The following TEX35 variants were observed in gnomAD, a reference collection of about 807,000 sequenced individuals.
The protein encoded by TEX35 is testis expressed 35.
In TEX35, 26 loss-of-function variants were observed where a neutral mutation model predicts 31.9. The observed-to-expected ratio is 0.81, with a 90% CI of 0.60 to 1.13. The LOEUF (loss-of-function observed/expected upper bound fraction) is 1.13. TEX35 is among the 50% of genes most tolerant of loss of function. The pLI, the probability that TEX35 is intolerant of heterozygous loss-of-function variation, is 0.00. For missense variants in TEX35, 278 were observed against 273.5 expected (o/e 1.02, Z -0.12); for synonymous variants, 87 against 90.7 (o/e 0.96, Z 0.23).
intron 8 of TEX35, chr1:178,522,083 C>T: frequency 1.5e-6 from 1 of 655,096 alleles, no homozygotes; most frequent in Non-Finnish European, 2.5e-6. Context: ...GACCCTGCTG[C>T]CTGGCCCATC....
rs1246782196 is a variant in TEX35 at position 178,521,042 on chromosome 1, A to C, written c.543+168A>C. 3.9e-6 allele frequency: 6 copies of C among 1,544,742 alleles called. No homozygotes were observed. In the African/African-American group the frequency reaches 8.2e-5, roughly 21 times the overall value. ...CCCTCCCTGACCTGCCTTGCCTTCT[A>C]GGCCTGTGGAGCCTCCTTAGCTGTG... On this transcript the variant is annotated intron_variant, in intron 7 of 8. Transcript: ENST00000319416.
chr1:178,515,727 A>G, intron 3 of TEX35, 132 bp from the exon 4 acceptor site: 1 of 709,378 alleles, frequency 1.4e-6, no homozygotes, highest in Non-Finnish European at 2.4e-6. Context: ...TCTCAACAAC[A>G]TCTTTTCTTT....
Position 178,513,197 on chromosome 1 carries a change from C to A in TEX35, c.9C>A (p.Ala3=). The part of the protein sequence containing the change: MS[A]KRAELKKTHL... ...CCCTGGCCTCCTCCATCATGTCGGC[C>A]AAGAGGGCAGAATTGAAGAAAACAC... is the stretch of plus-strand genomic sequence containing the variant. The change falls in exon 1 of 9, where the codon GCC becomes GCA. Residue 3 remains alanine (A), a synonymous_variant. Transcript: ENST00000319416. The A allele has an allele frequency of 6.2e-6, 10 of 1,614,178 alleles. No individual in the cohort carries two copies. Among genetic ancestry groups the A allele is most frequent in the Non-Finnish European group, 8.5e-6 (10 of 1,180,034 alleles).
intron 7 of TEX35, 95 bp downstream of exon 7, chr1:178,520,969 G>A: frequency 6.4e-7 from 1 of 1,571,036 alleles, no homozygotes; most frequent in South Asian, 1.2e-5. Context: ...TCATAGTGAA[G>A]GGACAGGTCC....
chr1:178,522,448 C>A lies in TEX35; in HGVS notation c.*8C>A. 6.3e-7 allele frequency: 1 copy of A among 1,583,652 alleles called. No individual in the cohort carries two copies. The highest frequency in any genetic ancestry group is 8.6e-7 in the Non-Finnish European group (1 of 1,162,874). The stretch of plus-strand genomic sequence containing the variant: ...CAGACTGAGGGAAGGTGAAGCTTAA[C>A]TGCCAGCTTGAAATGAGAGTAAAGA... On this transcript the variant is annotated 3_prime_UTR_variant, in exon 9 of 9. Coordinates refer to ENST00000319416, the MANE Select transcript of TEX35 (RefSeq NM_032126.5).
intron 4 of TEX35, 87 bp from the exon 5 acceptor site, chr1:178,516,528 C>T (rs980996448): frequency 1.7e-6 from 2 of 1,195,822 alleles, no homozygotes; most frequent in African/African-American, 3.0e-5. Context: ...AGCCACTGCC[C>T]TTTGCTTAAA....
intron 3 of TEX35, 84 bp downstream of exon 3, chr1:178,514,852 A>G (rs1650015786): frequency 1.7e-6 from 2 of 1,155,012 alleles, no homozygotes; most frequent in Admixed American, 2.0e-5. Context: ...CCTGTTTCCT[A>G]AATACAAGAA....
At chr1:178,515,599 G>C (rs565455870) in intron 3 of TEX35, among the ~76,000 whole-genome samples, 1 of 151,602 alleles carries the variant, frequency 6.6e-6, no homozygotes, top group East Asian at 1.9e-4. Flanking sequence ...GGGGGTGGGG[G>C]TCTCGCTATG....
At chr1:178,521,898 C>T in intron 8 of TEX35, 1 of 1,374,942 alleles carries the variant, frequency 7.3e-7, no homozygotes. Context: ...GTATTTCAGA[C>T]TCCAACCCTT....
In TEX35 at chr1:178,516,519, G is replaced by T. The variant is rs116817197; in HGVS notation, c.217-96G>T. ...ATTATTAGTCCATGCCAGAGAAGCAGCCACTGCCCTTTGCTTAAAATGCCT... is the reference window on the plus strand; with the variant it reads ...ATTATTAGTCCATGCCAGAGAAGCATCCACTGCCCTTTGCTTAAAATGCCT... On this transcript the variant is annotated intron_variant, in intron 4 of 8. Transcript: ENST00000319416. 8.0e-4 allele frequency: 815 copies of T among 1,023,656 alleles called. 6 individuals carry two copies. The African/African-American group carries it at 0.011, about 13-fold the overall frequency. The allele number at this position is 1,023,656 out of a possible 1,614,324, so 63.4% of individuals were successfully genotyped here. A position where few individuals can be genotyped will look rare whatever the true frequency, so the allele number is the denominator to read the frequency against.
chr1:178,521,575 A>T, intron 8 of TEX35: 1 of 1,509,028 alleles, frequency 6.6e-7, no homozygotes, highest in Non-Finnish European at 9.0e-7. Flanking sequence ...TATTCACACC[A>T]GGTCTGGGCA....
In TEX35 at chr1:178,518,690, G is replaced by A. The variant is rs78537921; in HGVS notation, c.277-1682G>A. 2.7e-3 allele frequency among the ~76,000 whole-genome samples: 408 copies of A among 152,326 alleles called. 13 individuals are homozygous for A. In the East Asian group the frequency reaches 0.071, roughly 26 times the overall value. On this transcript the variant is annotated intron_variant, in intron 5 of 8. Coordinates refer to ENST00000319416, the MANE Select transcript of TEX35 (RefSeq NM_032126.5). Reference sequence around the variant, plus strand: ...GGGTTCATAGCAGTTATTTCTGGATGAGAATATTCATACTTTTATATCCCT... The same window carrying A: ...GGGTTCATAGCAGTTATTTCTGGATAAGAATATTCATACTTTTATATCCCT...
chr1:178,517,877 T>A (rs1198194829), intron 5 of TEX35, among the ~76,000 whole-genome samples: 1 of 152,098 alleles, frequency 6.6e-6, no homozygotes, highest in Non-Finnish European at 1.5e-5. Flanking sequence ...TAAATATAAA[T>A]ACAATGGAAG....
chr1:178,516,644 T>C lies in TEX35; in HGVS notation c.246T>C (p.Asp82=). The change falls in exon 5 of 9, where the codon GAT becomes GAC. Residue 82 remains aspartate, a synonymous_variant. Transcript: ENST00000319416. The part of the protein sequence containing the change: ...QIKDLMDKDF[D]KLHEFVEIMK... ...AGGATCTAATGGACAAGGATTTTGA[T>C]AAACTTCACGAATTTGTGGAAATTA... 3 of 1,613,688 alleles carry C rather than the reference T, an allele frequency of 1.9e-6. No individual in the cohort carries two copies. Among genetic ancestry groups the C allele is most frequent in the Non-Finnish European group, 2.5e-6 (3 of 1,179,768 alleles).
intron 2 of TEX35, 23 bp downstream of exon 2, chr1:178,514,100 T>C (rs756033520): frequency 1.9e-6 from 3 of 1,614,178 alleles, no homozygotes; most frequent in Non-Finnish European, 2.5e-6. Flanking sequence ...TTTGAGGCCA[T>C]GCAGGCAGCC....
intron 2 of TEX35, 148 bp downstream of exon 2, chr1:178,514,225 C>T (rs1649986099): frequency 6.4e-7 from 1 of 1,556,360 alleles, no homozygotes; most frequent in East Asian, 2.4e-5. Flanking sequence ...TCTCATAGAA[C>T]TTCACACTGT....
intron 5 of TEX35, among the ~76,000 whole-genome samples, chr1:178,519,517 A>G (rs1650192648): frequency 6.6e-6 from 1 of 152,212 alleles, no homozygotes; most frequent in East Asian, 1.9e-4. Context: ...CTCTATGAAT[A>G]CAAATATTTT....
At chr1:178,520,141 G>A (rs372550754) in intron 5 of TEX35, among the ~76,000 whole-genome samples, 1 of 152,154 alleles carries the variant, frequency 6.6e-6, no homozygotes, top group East Asian at 1.9e-4. Flanking sequence ...CTCACCTAGA[G>A]ACTTCAGAAA....
chr1:178,520,668 C>G lies in TEX35; in HGVS notation c.342-5C>G, dbSNP rs370582861. On this transcript the variant is annotated splice_region_variant and splice_polypyrimidine_tract_variant and intron_variant, in intron 6 of 8. Coordinates refer to ENST00000319416, the MANE Select transcript of TEX35 (RefSeq NM_032126.5). ...CTCTGCCCCTCCCTGGCCCTCCTCC[C>G]CCAGTCCCCTTAGAAGAGCACCAAA... 5.0e-6 allele frequency: 8 copies of G among 1,613,488 alleles called. No individual in the cohort carries two copies. The highest frequency in any genetic ancestry group is 4.0e-5 in the African/African-American group (3 of 74,904).
Sources: gnomAD v4.1 joint callset for allele counts (sites outside exome capture counted in the v4.1 genomes callset) on GRCh38, gnomAD v4.1.1 for gene constraint, MANE v1.5 for transcripts, NCBI Gene and HGNC (gene_info 2026-07-23, HGNC 2026-07-21) for gene names.